Variants in FAM13C observed in about 807,000 individuals in gnomAD.
The protein encoded by FAM13C is family with sequence similarity 13 member C.
FAM13C carries 37 observed loss-of-function variants against 73.2 expected under a neutral mutation model. That is an observed-to-expected ratio of 0.51 (90% CI 0.39 to 0.67). FAM13C has a LOEUF of 0.67. Ranked by LOEUF, FAM13C falls within the 30% of genes least tolerant of loss-of-function variation. FAM13C has a pLI of 0.00. For missense variants in FAM13C, 589 were observed against 715.6 expected, an observed-to-expected ratio of 0.82 and a Z score of 2.02; for synonymous variants, 246 against 260.9, an observed-to-expected ratio of 0.94 and a Z score of 0.55.
intron 10 of FAM13C, among the ~76,000 whole-genome samples, chr10:59,257,615 CCTGT>C (rs764657026): frequency 1.3e-5 from 2 of 152,196 alleles, no homozygotes; most frequent in South Asian, 2.1e-4. Flanking sequence ...CCAAGATTTT[CCTGT>C]CTAAGTATCC....
chr10:59,335,181 C>G (rs1019523546), intron 3 of FAM13C, among the ~76,000 whole-genome samples: 2 of 152,178 alleles, frequency 1.3e-5, no homozygotes, highest in Non-Finnish European at 2.9e-5. Flanking sequence ...TCAGACTCTT[C>G]AGCCACAAGT....
chr10:59,337,539 A>G (rs1223735421), intron 3 of FAM13C, among the ~76,000 whole-genome samples: 4 of 152,182 alleles, frequency 2.6e-5, no homozygotes, highest in Non-Finnish European at 5.9e-5. Flanking sequence ...GCAAGTTGTT[A>G]TTGACCCAGT....
chr10:59,304,470 C>T (rs1300043227), intron 4 of FAM13C, among the ~76,000 whole-genome samples: 1 of 151,960 alleles, frequency 6.6e-6, no homozygotes, highest in African/African-American at 2.4e-5. Context: ...GTTTGTCTTC[C>T]AGGGTTTTTA....
At chr10:59,285,382 G>A (rs1196075500) in intron 5 of FAM13C, among the ~76,000 whole-genome samples, 3 of 142,470 alleles carry the variant, frequency 2.1e-5, no homozygotes, top group African/African-American at 8.7e-5. Context: ...TAGTAAACAA[G>A]CAGCTGGGAG....
chr10:59,359,964 G>C (rs537060249), intron 1 of FAM13C, among the ~76,000 whole-genome samples: 1 of 152,298 alleles, frequency 6.6e-6, no homozygotes, highest in East Asian at 1.9e-4. Context: ...TAGATGAAAA[G>C]GTGCCACAGA....
intron 5 of FAM13C, among the ~76,000 whole-genome samples, chr10:59,289,787 G>A (rs181700393): frequency 6.6e-6 from 1 of 152,132 alleles, no homozygotes; most frequent in Admixed American, 6.5e-5. Context: ...AAAGATGAGG[G>A]ACCCTTCATT....
At chr10:59,299,648 C>A (rs1487160615) in intron 5 of FAM13C, among the ~76,000 whole-genome samples, 1 of 151,868 alleles carries the variant, frequency 6.6e-6, no homozygotes, top group Non-Finnish European at 1.5e-5. Flanking sequence ...TTCATTTTAT[C>A]TTTCAAGTAC....
intron 5 of FAM13C, among the ~76,000 whole-genome samples, chr10:59,295,882 T>A (rs1448529007): frequency 6.6e-6 from 1 of 152,222 alleles, no homozygotes; most frequent in East Asian, 1.9e-4. Context: ...ATAGAGCCTA[T>A]CCTGATCCTA....
At chr10:59,334,049 T>C (rs1418236285) in intron 3 of FAM13C, among the ~76,000 whole-genome samples, 3 of 152,206 alleles carry the variant, frequency 2.0e-5, no homozygotes, top group Non-Finnish European at 4.4e-5. Context: ...AATGAATGCA[T>C]GGTTCTGTAT....
chr10:59,290,575 G>T (rs1018694775), intron 5 of FAM13C, among the ~76,000 whole-genome samples: 1 of 152,042 alleles, frequency 6.6e-6, no homozygotes, highest in African/African-American at 2.4e-5. Context: ...ACCCTACTCA[G>T]CTCTAGTTGT....
At position 59,283,240 on chromosome 10, in the gene FAM13C, C is replaced by G. The variant is rs542149964; in HGVS notation, c.592+123G>C. ...ACTCCTGGGCAACTCAGAAGCACCT[C>G]TTGGGCTTTCATGTTGCCCCAGGCA... On this transcript the variant is annotated intron_variant, in intron 6 of 13. Coordinates refer to ENST00000618804, the MANE Select transcript of FAM13C (RefSeq NM_198215.4). The G allele has an allele frequency of 1.8e-5, 18 of 1,009,752 alleles. No individual in the cohort carries two copies. In the Admixed American group the frequency reaches 2.9e-4, roughly 16 times the overall value. 62.5% of individuals were successfully genotyped at this position (1,009,752 alleles called of 1,614,324 possible).
intron 6 of FAM13C, among the ~76,000 whole-genome samples, chr10:59,281,568 C>G (rs1438907799): frequency 6.6e-6 from 1 of 152,180 alleles, no homozygotes; most frequent in Non-Finnish European, 1.5e-5. Context: ...ACCCACAAGC[C>G]TCCTCTCTAA....
intron 10 of FAM13C, among the ~76,000 whole-genome samples, chr10:59,261,590 A>G (rs1842506756): frequency 6.6e-6 from 1 of 152,122 alleles, no homozygotes; most frequent in Non-Finnish European, 1.5e-5. Context: ...GTCATGACCT[A>G]TAAATAGTGC....
intron 3 of FAM13C, among the ~76,000 whole-genome samples, chr10:59,351,423 A>G (rs1317875400): frequency 6.6e-6 from 1 of 152,208 alleles, no homozygotes; most frequent in Non-Finnish European, 1.5e-5. Flanking sequence ...AATTAATAAA[A>G]TATCCATTTA....
intron 6 of FAM13C, among the ~76,000 whole-genome samples, chr10:59,280,792 C>T (rs1844835460): frequency 6.6e-6 from 1 of 152,152 alleles, no homozygotes. Context: ...TGTCAAGTCT[C>T]TTACTAGGTG....
chr10:59,300,831 G>A (rs952580882), intron 5 of FAM13C: 3 of 152,206 alleles, frequency 2.0e-5, no homozygotes, highest in African/African-American at 7.2e-5. Context: ...TTACAAAGAG[G>A]CATCTGGGAT....
At chr10:59,259,832 C>T (rs924944402) in intron 10 of FAM13C, among the ~76,000 whole-genome samples, 1 of 152,132 alleles carries the variant, frequency 6.6e-6, no homozygotes, top group South Asian at 2.1e-4. Flanking sequence ...GACTTACATG[C>T]CTCAGTAGGA....
At chr10:59,361,691 G>A (rs1856438365) in intron 1 of FAM13C, among the ~76,000 whole-genome samples, 1 of 151,868 alleles carries the variant, frequency 6.6e-6, no homozygotes, top group African/African-American at 2.4e-5. Context: ...TATAATATTA[G>A]GAAAACATTA....
chr10:59,288,147 G>C (rs1845815086), intron 5 of FAM13C, among the ~76,000 whole-genome samples: 1 of 152,144 alleles, frequency 6.6e-6, no homozygotes, highest in Admixed American at 6.5e-5. Context: ...AGAGATCCCT[G>C]GTCTCCCATA....
Sources: allele counts gnomAD v4.1 joint callset (sites outside exome capture counted in the v4.1 genomes callset), GRCh38; gene constraint gnomAD v4.1.1; transcripts MANE v1.5; gene names NCBI Gene and HGNC (gene_info 2026-07-23, HGNC 2026-07-21).